Variants in ABR observed in about 807,000 individuals in gnomAD.
The protein encoded by ABR is active breakpoint cluster region-related protein.
Under a neutral mutation model 107.2 loss-of-function variants are expected in ABR, and 35 were observed. The ratio of observed to expected loss-of-function variants is 0.33; its 90% CI spans 0.25 to 0.43. The LOEUF (loss-of-function observed/expected upper bound fraction) is 0.43. Ranked by LOEUF, ABR falls within the 20% of genes least tolerant of loss-of-function variation. ABR has a pLI of 1.00. For missense variants in ABR, 815 were observed against 1,115.2 expected, an observed-to-expected ratio of 0.73 and a Z score of 3.83; for synonymous variants, 498 against 462.0, an observed-to-expected ratio of 1.08 and a Z score of -1.00.
At chr17:1,094,871 G>C (rs2037298736) in intron 3 of ABR, among the ~76,000 whole-genome samples, 1 of 150,338 alleles carries the variant, frequency 6.7e-6, no homozygotes, top group Admixed American at 6.7e-5. Context: ...AGGCATGCCA[G>C]ACAGGGAAAC....
chr17:1,132,245 A>T (rs2039878054), intron 1 of ABR, among the ~76,000 whole-genome samples: 1 of 151,950 alleles, frequency 6.6e-6, no homozygotes, highest in Non-Finnish European at 1.5e-5. Flanking sequence ...ATACACATAT[A>T]TATATACCTC....
At chr17:1,048,865 C>T (rs2151019439) in intron 16 of ABR, among the ~76,000 whole-genome samples, 1 of 152,230 alleles carries the variant, frequency 6.6e-6, no homozygotes, top group Non-Finnish European at 1.5e-5. Flanking sequence ...TCAGCACGCC[C>T]AACGCCCGAG....
At chr17:1,208,534 C>G (rs182719328) in intron 1 of ABR, among the ~76,000 whole-genome samples, 1 of 152,190 alleles carries the variant, frequency 6.6e-6, no homozygotes, top group African/African-American at 2.4e-5. Context: ...TCTCTGCTAA[C>G]GTCGCGGTAG....
chr17:1,083,541 G>A lies in ABR; in HGVS notation c.618C>T (p.Asn206=), dbSNP rs1286932500. ...CTACCTCTGAGATCTTCTGGAACTG[G>A]TTGTTGGACTGGCTGCACTTCTCAG... ...ETAEKCSQSN[N]QFQKISEELK... is the part of the protein sequence containing the mutation. Residue 206 remains asparagine, a synonymous_variant, in exon 5 of 23, where the codon AAC becomes AAT. Transcript: ENST00000302538. 4.3e-6 allele frequency: 7 copies of A among 1,610,504 alleles called. No homozygotes were observed. The East Asian group carries it at 6.7e-5, about 15-fold the overall frequency.
intron 1 of ABR, among the ~76,000 whole-genome samples, chr17:1,196,618 T>C (rs1199288022): frequency 2.3e-5 from 3 of 132,506 alleles, no homozygotes; most frequent in Non-Finnish European, 4.6e-5. Context: ...TTCTGAAAAA[T>C]CCTGTCAGTG....
chr17:1,167,801 G>T (rs1327150977), intron 1 of ABR, among the ~76,000 whole-genome samples: 2 of 152,258 alleles, frequency 1.3e-5, no homozygotes, highest in Non-Finnish European at 2.9e-5. Context: ...GGAGTTGAGA[G>T]TCTGGCAGAG....
intron 1 of ABR, among the ~76,000 whole-genome samples, chr17:1,227,262 C>G (rs745441318): frequency 6.6e-6 from 1 of 152,136 alleles, no homozygotes; most frequent in African/African-American, 2.4e-5. Context: ...CTGGGAAAAG[C>G]CTAGTGTACT....
intron 1 of ABR, among the ~76,000 whole-genome samples, chr17:1,217,047 CATTAG>C (rs1384232458): frequency 1.3e-5 from 2 of 152,170 alleles, no homozygotes; most frequent in African/African-American, 4.8e-5. Flanking sequence ...CATGGAGGCT[CATTAG>C]AGATGGGACA....
At chr17:1,014,674 T>TA (rs879605312) in intron 16 of ABR, among the ~76,000 whole-genome samples, 304 of 135,586 alleles carry the variant, frequency 2.2e-3, no homozygotes, top group East Asian at 5.1e-3. Context: ...CCGTCTCTAC[T>TA]AAAAAAAAAA....
intron 10 of ABR, 76 bp downstream of exon 10, chr17:1,067,001 T>A: frequency 6.6e-7 from 1 of 1,521,760 alleles, no homozygotes. Flanking sequence ...TCTCAAACCT[T>A]ACAACTTCCT....
At position 1,011,003 on chromosome 17, in the gene ABR, CACAGGTGTCTGTG is replaced by C; in HGVS notation, c.2102-153_2102-141del. ...GGAAGAGCAGGATGTAGAGAGGGCC[CACAGGTGTCTGTG>C]ACTCGGCTCTGTGGGTCGGGGTTGG... On this transcript the variant is annotated intron_variant, in intron 19 of 22. Coordinates refer to ENST00000302538, the MANE Select transcript of ABR (RefSeq NM_021962.5). This position sits in a 1 kb window ranked among gnomAD's most constrained non-coding sequence, Gnocchi z 4.8. 8.8e-7 allele frequency: 1 copy of C among 1,140,962 alleles called. No individual in the cohort carries two copies. 70.7% of individuals were successfully genotyped at this position (1,140,962 alleles called of 1,614,324 possible).
chr17:1,208,083 T>C (rs571784112), intron 1 of ABR, among the ~76,000 whole-genome samples: 2 of 152,278 alleles, frequency 1.3e-5, no homozygotes, highest in African/African-American at 2.4e-5. Flanking sequence ...ATCAACCACT[T>C]TGGGGCCATT....
chr17:1,122,345 G>C (rs34725971), intron 2 of ABR, among the ~76,000 whole-genome samples: 4 of 152,166 alleles, frequency 2.6e-5, no homozygotes, highest in African/African-American at 4.8e-5. Flanking sequence ...ACATTAATCC[G>C]GACATATTTG....
chr17:1,116,725 T>G (rs2039005503), intron 2 of ABR, among the ~76,000 whole-genome samples: 1 of 94,484 alleles, frequency 1.1e-5, no homozygotes, highest in Non-Finnish European at 2.1e-5. Flanking sequence ...CTCAGTGTCT[T>G]CATCTACTAA....
rs368847584 is a variant in ABR at position 1,008,771 on chromosome 17, C to G, written c.2342+908G>C. The stretch of plus-strand genomic sequence containing the variant: ...CGCAGAGCAGTCTGAGGGGGCTCCC[C>G]GGTCCTGGCGTGCAGGTGGGTTTAA... On this transcript the variant is annotated intron_variant, in intron 21 of 22. Transcript: ENST00000302538. Among the ~76,000 whole-genome samples, 60 of 152,354 alleles carry G rather than the reference C, an allele frequency of 3.9e-4. No individual in the cohort carries two copies. In the East Asian group the frequency reaches 6.4e-3, roughly 16 times the overall value.
Position 1,175,280 on chromosome 17 carries a change from C to T in ABR, c.61+4387G>A, listed in dbSNP as rs879553978. 5.1e-4 allele frequency among the ~76,000 whole-genome samples: 78 copies of T among 152,164 alleles called. 1 individual carries two copies. Among genetic ancestry groups the T allele is most frequent in the African/African-American group, 1.7e-3 (69 of 41,524 alleles). ...TATAAAAATTAGCCGGGTGTGGTGG[C>T]GGGCACCTGTAATCCCAGCTACTCA... On this transcript the variant is annotated intron_variant, in intron 1 of 22. Transcript: ENST00000302538.
chr17:1,170,623 AC>A, intron 1 of ABR, among the ~76,000 whole-genome samples: 1 of 152,026 alleles, frequency 6.6e-6, no homozygotes, highest in Admixed American at 6.6e-5. Flanking sequence ...TTTAGTAGAA[AC>A]GGGGTTTCAT....
chr17:1,144,366 G>A (rs1006362166), intron 1 of ABR, among the ~76,000 whole-genome samples: 8 of 152,046 alleles, frequency 5.3e-5, no homozygotes, highest in Admixed American at 2.0e-4. Context: ...GTTACGAGTC[G>A]CCCATGGAAA....
chr17:1,143,602 G>C lies in ABR; in HGVS notation c.62-18235C>G, dbSNP rs552493473. ...GCTCCGGCTCTGCCTCCACTGCTGG[G>C]AACAGACTCGAGGCCCCACCATGGG... On this transcript the variant is annotated intron_variant, in intron 1 of 22. Coordinates refer to ENST00000302538, the MANE Select transcript of ABR (RefSeq NM_021962.5). 2.0e-3 allele frequency among the ~76,000 whole-genome samples: 301 copies of C among 152,214 alleles called. 1 individual carries two copies. Among genetic ancestry groups the C allele is most frequent in the Non-Finnish European group, 3.8e-3 (256 of 67,988 alleles).
Sources: allele counts gnomAD v4.1 joint callset (sites outside exome capture counted in the v4.1 genomes callset), GRCh38; gene constraint gnomAD v4.1.1; non-coding constraint Gnocchi (gnomAD v3.1); transcripts MANE v1.5; gene names NCBI Gene and HGNC (gene_info 2026-07-23, HGNC 2026-07-21).